SEMA5A: variants seen among roughly 807,000 people sequenced by gnomAD.
SEMA5A encodes the protein semaphorin-5A.
A neutral mutation model predicts 135.5 loss-of-function variants in SEMA5A; 55 were observed. The ratio of observed to expected loss-of-function variants is 0.41; its 90% CI spans 0.33 to 0.51. The LOEUF is 0.51. Ranked by LOEUF, SEMA5A falls within the 20% of genes least tolerant of loss-of-function variation. The probability of loss-of-function intolerance (pLI) is 0.37; values close to 1 mark genes in which losing one functional copy is unlikely to be tolerated. For synonymous variants in SEMA5A, 580 were observed against 546.5 expected (o/e 1.06, Z -0.85); for missense variants, 1,290 against 1,419.9 (o/e 0.91, Z 1.47).
intron 12 of SEMA5A, among the ~76,000 whole-genome samples, chr5:9,139,201 T>C (rs1434758415): frequency 6.6e-6 from 1 of 152,224 alleles, no homozygotes. Flanking sequence ...TTGTACTAGT[T>C]TACATTCCCA....
At chr5:9,496,205 C>T (rs775614302) in intron 1 of SEMA5A, among the ~76,000 whole-genome samples, 10 of 152,054 alleles carry the variant, frequency 6.6e-5, no homozygotes, top group Middle Eastern at 3.2e-3. Context: ...CCACCGCACC[C>T]GGCTAACTTT....
rs538615659 is a variant in SEMA5A, at chr5:9,315,006, C to T, written c.270+3366G>A. 5.9e-5 allele frequency among the ~76,000 whole-genome samples: 9 copies of T among 152,196 alleles called. No homozygotes were observed. The South Asian group carries it at 1.2e-3, about 21-fold the overall frequency. ...TCAATAATTGCAACCTGATTTCCAC[C>T]GAAGGCAGCCAAGACCAAGGAGGCA... On this transcript the variant is annotated intron_variant, in intron 5 of 22. Coordinates refer to ENST00000382496, the MANE Select transcript of SEMA5A (RefSeq NM_003966.3).
intron 1 of SEMA5A, among the ~76,000 whole-genome samples, chr5:9,502,146 A>G (rs268501): frequency 0.97 from 147,945 of 152,258 alleles, 72,108 homozygotes; most frequent in Non-Finnish European, 1. Context: ...TGAGGAAGTC[A>G]CTGAAAGATC....
chr5:9,496,848 G>A (rs1735328897), intron 1 of SEMA5A, among the ~76,000 whole-genome samples: 1 of 152,166 alleles, frequency 6.6e-6, no homozygotes, highest in Non-Finnish European at 1.5e-5. Flanking sequence ...ATAAGTCTAT[G>A]AGGATCTTTT....
Position 9,111,645 on chromosome 5 carries a change from C to T in SEMA5A, c.1926-3358G>A, listed in dbSNP as rs184176764. On this transcript the variant is annotated intron_variant, in intron 15 of 22. Coordinates refer to ENST00000382496, the MANE Select transcript of SEMA5A (RefSeq NM_003966.3). Reference sequence around the variant, plus strand: ...CACACCAGGATCTGCTGGCGTGTCACCCTCTGAAATTGCAGCCTCCCCATT... The same window carrying T: ...CACACCAGGATCTGCTGGCGTGTCATCCTCTGAAATTGCAGCCTCCCCATT... Among the ~76,000 whole-genome samples, 292 of 152,218 alleles carry T rather than the reference C, an allele frequency of 1.9e-3. 2 individuals carry two copies. The highest frequency in any genetic ancestry group is 3.4e-3 in the Non-Finnish European group (233 of 68,000).
chr5:9,469,705 A>AT (rs1226690450), intron 1 of SEMA5A, among the ~76,000 whole-genome samples: 2 of 152,066 alleles, frequency 1.3e-5, no homozygotes, highest in Admixed American at 6.5e-5. Context: ...TTTGTTCATG[A>AT]TTTTTTTTAA....
At chr5:9,358,848 G>A (rs879609872) in intron 3 of SEMA5A, among the ~76,000 whole-genome samples, 4 of 152,164 alleles carry the variant, frequency 2.6e-5, no homozygotes, top group Non-Finnish European at 4.4e-5. Flanking sequence ...TGACAAATAT[G>A]CCTGGAATCT....
chr5:9,428,080 A>ATG (rs1421881478), intron 2 of SEMA5A, among the ~76,000 whole-genome samples: 54 of 32,568 alleles, frequency 1.7e-3, no homozygotes, highest in African/African-American at 4.7e-3. Context: ...AAATATATAT[A>ATG]TGTGTGTGTA....
chr5:9,048,725 T>C (rs576257101), intron 21 of SEMA5A, among the ~76,000 whole-genome samples: 3 of 152,328 alleles, frequency 2.0e-5, no homozygotes, highest in Admixed American at 2.0e-4. Context: ...TCAATGCTCC[T>C]TGTGAGGACC....
chr5:9,190,619 C>T, intron 10 of SEMA5A, 148 bp from the exon 11 acceptor site: 1 of 682,156 alleles, frequency 1.5e-6, no homozygotes, highest in Non-Finnish European at 2.5e-6. Flanking sequence ...TCTCCATCCT[C>T]CCTGCAGCCC....
chr5:9,225,528 C>T (rs983035792), intron 7 of SEMA5A, among the ~76,000 whole-genome samples: 7 of 148,948 alleles, frequency 4.7e-5, no homozygotes, highest in East Asian at 2.0e-4. Flanking sequence ...AAAATCGTGC[C>T]GCTGCATTCC....
chr5:9,384,579 G>C (rs805150), intron 2 of SEMA5A, among the ~76,000 whole-genome samples: 21,647 of 74,782 alleles, frequency 0.29, 2,901 homozygotes, highest in Middle Eastern at 0.43. Context: ...TACATAGATA[G>C]ATAGATAGAT....
Position 9,421,002 on chromosome 5 carries a change from C to A in SEMA5A, c.-78+16754G>T, listed in dbSNP as rs373612896. On this transcript the variant is annotated intron_variant, in intron 2 of 22. Transcript: ENST00000382496. The stretch of plus-strand genomic sequence containing the variant: ...CTGCACTCCAGCCTGGGTGACAGAG[C>A]GAGACTTTGTCTCAAAACAAACAAA... Among the ~76,000 whole-genome samples, 308 of 152,268 alleles carry A rather than the reference C, an allele frequency of 2.0e-3. 1 individual carries two copies. Among genetic ancestry groups the A allele is most frequent in the African/African-American group, 6.8e-3 (283 of 41,560 alleles).
At chr5:9,218,541 G>A (rs910250728) in intron 8 of SEMA5A, among the ~76,000 whole-genome samples, 1 of 152,122 alleles carries the variant, frequency 6.6e-6, no homozygotes, top group African/African-American at 2.4e-5. Context: ...ACAGTTAATC[G>A]GAATGCAAAA....
Position 9,309,335 on chromosome 5 carries a change from C to A in SEMA5A, c.270+9037G>T, listed in dbSNP as rs114632753. 5.3e-3 allele frequency among the ~76,000 whole-genome samples: 805 copies of A among 152,162 alleles called. 7 individuals are homozygous for A. The highest frequency in any genetic ancestry group is 0.018 in the African/African-American group (767 of 41,508). On this transcript the variant is annotated intron_variant, in intron 5 of 22. Coordinates refer to ENST00000382496, the MANE Select transcript of SEMA5A (RefSeq NM_003966.3). Reference sequence around the variant, plus strand: ...AACAGGGAACAGTTAAGTGTATCCCCAGGGGCCGGTCTTGTTTTCCCTAGC... The same window carrying A: ...AACAGGGAACAGTTAAGTGTATCCCAAGGGGCCGGTCTTGTTTTCCCTAGC...
At chr5:9,090,067 C>T (rs2150122215) in intron 16 of SEMA5A, among the ~76,000 whole-genome samples, 1 of 152,264 alleles carries the variant, frequency 6.6e-6, no homozygotes, top group Non-Finnish European at 1.5e-5. Context: ...GATGAATTTA[C>T]TCTGTACAAG....
intron 16 of SEMA5A, among the ~76,000 whole-genome samples, chr5:9,093,090 T>C (rs1352302722): frequency 3.9e-5 from 6 of 152,132 alleles, no homozygotes; most frequent in African/African-American, 1.4e-4. Flanking sequence ...AAACTTAAAA[T>C]TGAGTTTTTT....
chr5:9,375,258 C>T (rs1057421885), intron 3 of SEMA5A, among the ~76,000 whole-genome samples: 6 of 152,028 alleles, frequency 3.9e-5, no homozygotes, highest in Non-Finnish European at 7.3e-5. Context: ...TGAATGTGAC[C>T]GTATTTGGAA....
At chr5:9,052,919 A>G (rs1561104880) in intron 19 of SEMA5A, among the ~76,000 whole-genome samples, 1 of 152,146 alleles carries the variant, frequency 6.6e-6, no homozygotes, top group Non-Finnish European at 1.5e-5. Context: ...TCCACTTTGT[A>G]GTGGCAGGGA....
Sources: allele counts gnomAD v4.1 joint callset (sites outside exome capture counted in the v4.1 genomes callset), GRCh38; gene constraint gnomAD v4.1.1; transcripts MANE v1.5; gene names NCBI Gene and HGNC (gene_info 2026-07-23, HGNC 2026-07-21).